The following GLI2 variants were observed in gnomAD, a reference collection of about 807,000 sequenced individuals.
GLI2 encodes GLI family zinc finger 2, also known as transcription activator GLI2.
A neutral mutation model predicts 78.9 loss-of-function variants in GLI2; 22 were observed. That is an observed-to-expected ratio of 0.28 (90% CI 0.20 to 0.40). The LOEUF (loss-of-function observed/expected upper bound fraction) is 0.40. GLI2 is among the 10% of genes least tolerant of loss of function. The pLI, the probability that GLI2 is intolerant of heterozygous loss-of-function variation, is 1.00. For synonymous variants in GLI2, 974 were observed against 963.7 expected, an observed-to-expected ratio of 1.01 and a Z score of -0.20; for missense variants, 2,097 against 2,213.2, an observed-to-expected ratio of 0.95 and a Z score of 1.05.
At chr2:120,973,330 G>T (rs1423957523) in intron 8 of GLI2, among the ~76,000 whole-genome samples, 3 of 152,236 alleles carry the variant, frequency 2.0e-5, no homozygotes, top group African/African-American at 7.2e-5. Context: ...GACAGGGCCG[G>T]CAGGCAGGCA....
chr2:120,744,709 AC>A (rs1424160563), intron 1 of GLI2, among the ~76,000 whole-genome samples: 2 of 152,170 alleles, frequency 1.3e-5, no homozygotes, highest in African/African-American at 4.8e-5. Flanking sequence ...ATGTGCTTGT[AC>A]CCAAGAACAA....
chr2:120,797,497 C>T (rs781526411), intron 2 of GLI2, 29 bp downstream of exon 2: 15 of 1,605,350 alleles, frequency 9.3e-6, no homozygotes, highest in South Asian at 5.5e-5. Context: ...ACTTGGAGGG[C>T]AGCAGGGGTG....
At chr2:120,787,088 C>T (rs544396565) in intron 1 of GLI2, among the ~76,000 whole-genome samples, 109 of 152,198 alleles carry the variant, frequency 7.2e-4, no homozygotes, top group Non-Finnish European at 1.3e-3. Flanking sequence ...TTGACCTTGG[C>T]AGGCACACAG....
chr2:120,845,497 C>T (rs1455480933), intron 2 of GLI2, among the ~76,000 whole-genome samples: 4 of 152,218 alleles, frequency 2.6e-5, no homozygotes, highest in Admixed American at 6.5e-5. Context: ...TCACATGCTG[C>T]AGCTGCCAGT....
intron 2 of GLI2, among the ~76,000 whole-genome samples, chr2:120,821,405 G>A (rs78871149): frequency 2.1e-3 from 322 of 152,340 alleles, no homozygotes; most frequent in African/African-American, 7.4e-3. Context: ...AGAAATAGCA[G>A]ATCCGGCGGA....
In GLI2 at chr2:120,798,971, C is replaced by T. The variant is rs188805107; in HGVS notation, c.148+1503C>T. Among the ~76,000 whole-genome samples, 84 of 152,314 alleles carry T rather than the reference C, an allele frequency of 5.5e-4. 1 individual carries two copies. Among genetic ancestry groups the T allele is most frequent in the African/African-American group, 1.9e-3 (78 of 41,572 alleles). On this transcript the variant is annotated intron_variant, in intron 2 of 13. Transcript: ENST00000361492. ...AGCGGGAACCATCCCCCCATCCCTC[C>T]GCCCCACACCCTGCCTCTCCAAGCC...
At chr2:120,843,608 G>A (rs962787529) in intron 2 of GLI2, among the ~76,000 whole-genome samples, 2 of 152,214 alleles carry the variant, frequency 1.3e-5, no homozygotes, top group Admixed American at 6.5e-5. Context: ...GGGCAGCTGG[G>A]ACTCTGCAGG....
chr2:120,855,144 T>A (rs892257102), intron 2 of GLI2, among the ~76,000 whole-genome samples: 4 of 152,140 alleles, frequency 2.6e-5, no homozygotes, highest in Middle Eastern at 3.2e-3. Context: ...ACATGCAAAC[T>A]CACAGAAATA....
intron 5 of GLI2, among the ~76,000 whole-genome samples, chr2:120,960,228 G>T (rs1235879947): frequency 1.3e-5 from 2 of 152,200 alleles, no homozygotes; most frequent in Non-Finnish European, 2.9e-5. Flanking sequence ...GACCAAGAAT[G>T]CCTGTCCCGA....
rs553110603 is a variant in GLI2 at position 120,861,570 on chromosome 2, T to G, written c.148+64102T>G. Among the ~76,000 whole-genome samples, 16 of 152,388 alleles carry G rather than the reference T, an allele frequency of 1.0e-4. No homozygotes were observed. In the East Asian group the frequency reaches 3.1e-3, roughly 29 times the overall value. On this transcript the variant is annotated intron_variant, in intron 2 of 13. Transcript: ENST00000361492. ...ATCCAAGTGGTTCAGTCTCCAAGCC[T>G]GGGCTGCTCTTGGGCCCTCTTGAGA...
chr2:120,898,825 G>A (rs888319910), intron 2 of GLI2, among the ~76,000 whole-genome samples: 8 of 152,180 alleles, frequency 5.3e-5, no homozygotes, highest in Admixed American at 4.6e-4. Context: ...ACAGTTACCA[G>A]TTGGGGTAGC....
At chr2:120,853,636 CT>C (rs1301903964) in intron 2 of GLI2, among the ~76,000 whole-genome samples, 1 of 152,220 alleles carries the variant, frequency 6.6e-6, no homozygotes, top group East Asian at 1.9e-4. Flanking sequence ...CATAATCATA[CT>C]TTCCTTCATT....
chr2:120,941,123 C>G (rs751859810), intron 3 of GLI2, among the ~76,000 whole-genome samples: 1 of 152,226 alleles, frequency 6.6e-6, no homozygotes, highest in Non-Finnish European at 1.5e-5. Flanking sequence ...CTCCCGTACA[C>G]AGAGCCTCCC....
At chr2:120,971,560 C>T (rs535113088) in intron 7 of GLI2, among the ~76,000 whole-genome samples, 2 of 152,356 alleles carry the variant, frequency 1.3e-5, no homozygotes, top group East Asian at 3.9e-4. Context: ...GGCTCTGGCC[C>T]CCTATGCCCT....
intron 1 of GLI2, among the ~76,000 whole-genome samples, chr2:120,741,675 G>T (rs576418067): frequency 1.3e-5 from 2 of 151,980 alleles, no homozygotes; most frequent in East Asian, 3.9e-4. Context: ...TCCGCCACGC[G>T]GAGCGCTGGC....
intron 12 of GLI2, among the ~76,000 whole-genome samples, chr2:120,985,705 C>T (rs186496836): frequency 2.8e-3 from 421 of 152,270 alleles, no homozygotes; most frequent in African/African-American, 9.6e-3. Context: ...GGATGTTGTC[C>T]GAGTTCTGTG....
intron 2 of GLI2, among the ~76,000 whole-genome samples, chr2:120,826,532 C>T (rs1402063693): frequency 6.6e-6 from 1 of 152,158 alleles, no homozygotes; most frequent in Non-Finnish European, 1.5e-5. Flanking sequence ...CGTGTGGGAC[C>T]TTGCTTGAGG....
At chr2:120,863,308 C>T (rs1266333786) in intron 2 of GLI2, among the ~76,000 whole-genome samples, 2 of 152,218 alleles carry the variant, frequency 1.3e-5, no homozygotes, top group Non-Finnish European at 2.9e-5. Flanking sequence ...GGCCAGTGCC[C>T]GTGTTGCCCC....
chr2:120,924,056 T>C (rs2104857224), intron 2 of GLI2, among the ~76,000 whole-genome samples: 1 of 152,202 alleles, frequency 6.6e-6, no homozygotes. Flanking sequence ...GGTGGGGTGG[T>C]CTGGGCTCTG....
Sources: allele counts gnomAD v4.1 joint callset (sites outside exome capture counted in the v4.1 genomes callset), GRCh38; gene constraint gnomAD v4.1.1; transcripts MANE v1.5; gene names NCBI Gene and HGNC (gene_info 2026-07-23, HGNC 2026-07-21).